Variants in CCSER1 observed in about 807,000 individuals in gnomAD.
CCSER1 encodes serine-rich coiled-coil domain-containing protein 1.
CCSER1 carries 41 observed loss-of-function variants against 82.0 expected under a neutral mutation model. The observed-to-expected ratio is 0.50, with a 90% CI of 0.39 to 0.65. The LOEUF (loss-of-function observed/expected upper bound fraction) is 0.65. Ranked by LOEUF, CCSER1 falls within the 30% of genes least tolerant of loss-of-function variation. The probability of loss-of-function intolerance (pLI) is 0.00; values close to 1 mark genes in which losing one functional copy is unlikely to be tolerated. For missense variants in CCSER1, 1,119 were observed against 1,064.2 expected (o/e 1.05, Z -0.72); for synonymous variants, 414 against 383.9 (o/e 1.08, Z -0.92).
chr4:90,556,311 A>G (rs933640899), intron 5 of CCSER1, among the ~76,000 whole-genome samples: 49 of 152,272 alleles, frequency 3.2e-4, no homozygotes, highest in Middle Eastern at 6.8e-3. Context: ...CTAGGCTCAT[A>G]TATGAAGAAT....
intron 5 of CCSER1, among the ~76,000 whole-genome samples, chr4:90,510,690 G>C (rs78336069): frequency 6.6e-6 from 1 of 152,214 alleles, no homozygotes. Flanking sequence ...GCTGTGTGCT[G>C]CTGCCATGAG....
rs368631385 is a variant in CCSER1, at chr4:90,245,614, C to T, written c.-41-62630C>T. Among the ~76,000 whole-genome samples, 6 of 152,148 alleles carry T rather than the reference C, an allele frequency of 3.9e-5. No individual in the cohort carries two copies. In the East Asian group the frequency reaches 9.7e-4, roughly 25 times the overall value. The stretch of plus-strand genomic sequence containing the variant: ...AATGACGATTGAACATCAAGGTAAC[C>T]TTTATGTTATATTTCCAAATGGGTA... On this transcript the variant is annotated intron_variant, in intron 1 of 10. Coordinates refer to ENST00000509176, the MANE Select transcript of CCSER1 (RefSeq NM_001145065.2).
chr4:91,321,528 T>G (rs559014164), intron 10 of CCSER1, among the ~76,000 whole-genome samples: 8 of 152,236 alleles, frequency 5.3e-5, no homozygotes, highest in Non-Finnish European at 7.4e-5. Flanking sequence ...TTTGCCTTAT[T>G]ATTTGTAGTT....
At chr4:90,417,017 G>T (rs746856802) in intron 4 of CCSER1, among the ~76,000 whole-genome samples, 2 of 152,082 alleles carry the variant, frequency 1.3e-5, no homozygotes, top group Non-Finnish European at 2.9e-5. Context: ...GTGGACACAC[G>T]CAGGGGAACA....
intron 1 of CCSER1, among the ~76,000 whole-genome samples, chr4:90,220,392 T>G (rs1289552793): frequency 6.8e-6 from 1 of 146,532 alleles, no homozygotes; most frequent in Non-Finnish European, 1.5e-5. Flanking sequence ...TCTTCTATGA[T>G]TTTTTTTTTA....
intron 1 of CCSER1, among the ~76,000 whole-genome samples, chr4:90,273,119 A>G (rs576722632): frequency 9.2e-5 from 14 of 152,324 alleles, no homozygotes; most frequent in African/African-American, 2.9e-4. Context: ...ACAGAAAGAC[A>G]AACTTTGCAT....
intron 10 of CCSER1, among the ~76,000 whole-genome samples, chr4:91,171,021 C>T (rs1732690356): frequency 1.3e-5 from 2 of 152,200 alleles, no homozygotes; most frequent in South Asian, 4.1e-4. Flanking sequence ...GCTATATAAA[C>T]ATGCACATGT....
At chr4:90,938,000 AC>A (rs1337902869) in intron 9 of CCSER1, among the ~76,000 whole-genome samples, 1 of 152,018 alleles carries the variant, frequency 6.6e-6, no homozygotes, top group East Asian at 1.9e-4. Flanking sequence ...CTCTAACTAA[AC>A]TTTTACATTC....
At chr4:91,094,002 T>C (rs2148832866) in intron 10 of CCSER1, among the ~76,000 whole-genome samples, 1 of 152,326 alleles carries the variant, frequency 6.6e-6, no homozygotes, top group South Asian at 2.1e-4. Flanking sequence ...TGCTTCTCTT[T>C]CCGAATAGTG....
intron 1 of CCSER1, among the ~76,000 whole-genome samples, chr4:90,241,835 A>G (rs773218251): frequency 6.6e-6 from 1 of 152,248 alleles, no homozygotes; most frequent in Non-Finnish European, 1.5e-5. Context: ...AGGTGATGCT[A>G]TAAAAACTAT....
chr4:91,413,726 T>A (rs2149375113), intron 10 of CCSER1, among the ~76,000 whole-genome samples: 1 of 152,098 alleles, frequency 6.6e-6, no homozygotes, highest in South Asian at 2.1e-4. Flanking sequence ...AAGATAAATT[T>A]AAAAAATCAT....
At chr4:90,939,412 T>C (rs1422444043) in intron 9 of CCSER1, among the ~76,000 whole-genome samples, 2 of 152,212 alleles carry the variant, frequency 1.3e-5, no homozygotes, top group Non-Finnish European at 1.5e-5. Context: ...AATTGCTTCC[T>C]GATTTCTGTG....
intron 10 of CCSER1, among the ~76,000 whole-genome samples, chr4:91,305,683 G>A (rs1028388457): frequency 1.3e-4 from 20 of 151,506 alleles, no homozygotes; most frequent in African/African-American, 4.1e-4. Context: ...GTGTGCATGT[G>A]TGTATTAGTC....
intron 7 of CCSER1, among the ~76,000 whole-genome samples, chr4:90,801,280 GCTTA>G (rs1756771153): frequency 6.6e-6 from 1 of 151,970 alleles, no homozygotes; most frequent in African/African-American, 2.4e-5. Flanking sequence ...TACTTTCTCT[GCTTA>G]CTTTTTATGT....
intron 8 of CCSER1, among the ~76,000 whole-genome samples, chr4:90,872,879 C>T (rs1766727442): frequency 6.6e-6 from 1 of 151,832 alleles, no homozygotes; most frequent in Non-Finnish European, 1.5e-5. Flanking sequence ...AAGATATTTT[C>T]TTTAAATATA....
chr4:90,930,946 G>GATATATATATGT (rs1729703987), intron 9 of CCSER1, among the ~76,000 whole-genome samples: 1 of 99,132 alleles, frequency 1.0e-5, no homozygotes, highest in African/African-American at 3.4e-5. Context: ...ATATACACAT[G>GATATATATATGT]ACATATATAT....
At chr4:90,779,347 A>G (rs928119169) in intron 7 of CCSER1, among the ~76,000 whole-genome samples, 1 of 152,024 alleles carries the variant, frequency 6.6e-6, no homozygotes, top group Non-Finnish European at 1.5e-5. Flanking sequence ...TTACTTCTTC[A>G]AAAAAGACTG....
At chr4:91,015,806 A>G (rs2870279) in intron 9 of CCSER1, among the ~76,000 whole-genome samples, 19,547 of 151,978 alleles carry the variant, frequency 0.13, 1,501 homozygotes, top group South Asian at 0.21. Flanking sequence ...TCAGTGCCTG[A>G]AAAGATTCAT....
At chr4:91,098,539 A>G (rs1450929427) in intron 10 of CCSER1, among the ~76,000 whole-genome samples, 1 of 151,028 alleles carries the variant, frequency 6.6e-6, no homozygotes, top group Non-Finnish European at 1.5e-5. Flanking sequence ...AGATCACTGG[A>G]GATAATTTTT....
Sources: allele counts gnomAD v4.1 joint callset (sites outside exome capture counted in the v4.1 genomes callset), GRCh38; gene constraint gnomAD v4.1.1; transcripts MANE v1.5; gene names NCBI Gene and HGNC (gene_info 2026-07-23, HGNC 2026-07-21).